Variants in RYR1 observed in about 807,000 individuals in gnomAD.
RYR1 encodes the protein ryanodine receptor 1.
A neutral mutation model predicts 583.5 loss-of-function variants in RYR1; 342 were observed. The observed-to-expected ratio is 0.59, with a 90% CI of 0.54 to 0.64. The LOEUF is 0.64. Among genes scored for constraint, RYR1 ranks in the 30% least tolerant of loss-of-function variants. The pLI is 0.00. For missense variants in RYR1, 6,032 were observed against 6,917.2 expected (o/e 0.87, Z 4.54); for synonymous variants, 2,791 against 2,822.5 (o/e 0.99, Z 0.35).
rs113026709 is a variant in RYR1, at chr19:38,443,935, G to A, written c.424+139G>A. 2.2e-3 allele frequency: 1,872 copies of A among 867,794 alleles called. 17 individuals carry two copies. In the African/African-American group the frequency reaches 0.026, roughly 12 times the overall value. The allele number at this position is 867,794 out of a possible 1,614,324, so 53.8% of individuals were successfully genotyped here. ...GGGGCTTCGTAGCAGAGAGTCTGCG[G>A]TACAGTCCAGACAGGGAGACAGACA... is the stretch of plus-strand genomic sequence containing the variant. On this transcript the variant is annotated intron_variant, in intron 5 of 105. Coordinates refer to ENST00000359596, the MANE Select transcript of RYR1 (RefSeq NM_000540.3).
At chr19:38,564,843 C>A in intron 90 of RYR1, 116 bp from the exon 91 acceptor site, 14 of 1,496,606 alleles carry the variant, frequency 9.4e-6, no homozygotes, top group Non-Finnish European at 1.3e-5. Context: ...AAAATACCAA[C>A]AATGCATTTA....
intron 101 of RYR1, among the ~76,000 whole-genome samples, chr19:38,581,472 C>T (rs989582775): frequency 1.3e-5 from 2 of 152,310 alleles, no homozygotes; most frequent in African/African-American, 4.8e-5. Context: ...ACCTCGGCCT[C>T]CCAAAGTGCT....
At chr19:38,473,331 C>T in intron 27 of RYR1, 46 bp from the exon 28 acceptor site, 1 of 1,610,832 alleles carries the variant, frequency 6.2e-7, no homozygotes, top group East Asian at 2.2e-5. Flanking sequence ...AACGGCCTGG[C>T]CTAGCCCGCC....
intron 75 of RYR1, 96 bp from the exon 76 acceptor site, chr19:38,528,854 GA>G (rs2145724535): frequency 6.7e-7 from 1 of 1,487,560 alleles, no homozygotes. Context: ...CAGGATGTGG[GA>G]AAAGAGAAAA....
At chr19:38,579,346 AC>A (rs1974095122) in intron 99 of RYR1, among the ~76,000 whole-genome samples, 2 of 144,626 alleles carry the variant, frequency 1.4e-5, no homozygotes, top group African/African-American at 5.2e-5. Flanking sequence ...AATCGCTTGA[AC>A]CCGGGAGGCG....
chr19:38,502,779 GC>G, intron 48 of RYR1, 52 bp downstream of exon 48: 1 of 966,314 alleles, frequency 1.0e-6, no homozygotes, highest in Non-Finnish European at 1.5e-6. Context: ...AGGGGCAGGG[GC>G]AGGGGCAGGG....
intron 89 of RYR1, among the ~76,000 whole-genome samples, chr19:38,549,178 C>T (rs1452099597): frequency 6.6e-6 from 1 of 152,130 alleles, no homozygotes; most frequent in Non-Finnish European, 1.5e-5. Context: ...AGTGCTGGAA[C>T]ATCCTTATTC....
At chr19:38,510,907 G>C in intron 60 of RYR1, 126 bp downstream of exon 60, 1 of 1,390,792 alleles carries the variant, frequency 7.2e-7, no homozygotes, top group Non-Finnish European at 9.9e-7. Flanking sequence ...GCGATTGAAG[G>C]GTGACCAGCC....
At chr19:38,529,192 A>C in intron 76 of RYR1, 135 bp downstream of exon 76, 2 of 880,446 alleles carry the variant, frequency 2.3e-6, no homozygotes, top group Non-Finnish European at 3.7e-6. Flanking sequence ...TTTAAATATC[A>C]CTTTGCTGGT....
chr19:38,517,585 C>T lies in RYR1; in HGVS notation c.9912C>T (p.Cys3304=), dbSNP rs1971032460. The T allele has an allele frequency of 6.2e-7, 1 of 1,614,124 alleles. No homozygotes were observed. Among genetic ancestry groups the T allele is most frequent in the Non-Finnish European group, 8.5e-7 (1 of 1,179,992 alleles). ...SALPAGAPPP[C]TAVTSDHLNS... ...TGCCCGCCGGCGCCCCCCCACCCTG[C>T]ACAGCTGTCACCTCTGACCACCTCA... Residue 3304 remains cysteine, a synonymous_variant, in exon 66 of 106, where the codon TGC becomes TGT. Transcript: ENST00000359596.
intron 82 of RYR1, 22 bp from the exon 83 acceptor site, chr19:38,536,728 C>G (rs754309691): frequency 8.7e-6 from 14 of 1,613,916 alleles, no homozygotes; most frequent in South Asian, 5.5e-5. Context: ...GCTTCCTCCT[C>G]CCATCCTGTT....
chr19:38,534,836 C>T lies in RYR1; in HGVS notation c.11359+17C>T. The T allele has an allele frequency of 6.2e-7, 1 of 1,605,056 alleles. No individual in the cohort carries two copies. The highest frequency in any genetic ancestry group is 8.5e-7 in the Non-Finnish European group (1 of 1,175,866). On this transcript the variant is annotated intron_variant, in intron 79 of 105. Coordinates refer to ENST00000359596, the MANE Select transcript of RYR1 (RefSeq NM_000540.3). ...CCTGCAAAGGTGCCCCTCACATGTG[C>T]ACTGGACTCTTCCGAGTGCACTCAT...
At chr19:38,456,412 G>A (rs1199869087) in intron 16 of RYR1, among the ~76,000 whole-genome samples, 1 of 150,248 alleles carries the variant, frequency 6.7e-6, no homozygotes, top group Non-Finnish European at 1.5e-5. Flanking sequence ...CTCCTGAGTA[G>A]CTGGGATTAC....
At chr19:38,510,600 G>T (rs753467380) in intron 59 of RYR1, 35 bp downstream of exon 59, 29 of 1,613,942 alleles carry the variant, frequency 1.8e-5, no homozygotes, top group Non-Finnish European at 2.1e-5. Context: ...AGGGCGCTGG[G>T]GACTCATAGG....
intron 58 of RYR1, 112 bp from the exon 59 acceptor site, chr19:38,510,386 A>G (rs747031135): frequency 4.6e-5 from 48 of 1,033,566 alleles, no homozygotes; most frequent in Non-Finnish European, 6.2e-5. Flanking sequence ...ACTTCATACC[A>G]ATACTTTATC....
At chr19:38,569,429 C>G (rs1776298532) in intron 93 of RYR1, among the ~76,000 whole-genome samples, 1 of 152,090 alleles carries the variant, frequency 6.6e-6, no homozygotes, top group Middle Eastern at 3.4e-3. Flanking sequence ...GTGACACATG[C>G]CTGTGGTCCC....
At chr19:38,477,624 A>G in intron 29 of RYR1, 86 bp from the exon 30 acceptor site, 1 of 1,560,962 alleles carries the variant, frequency 6.4e-7, no homozygotes. Flanking sequence ...AGGACCCAAC[A>G]GTCCAGGGAA....
At chr19:38,502,818 G>C (rs1970242422) in intron 48 of RYR1, 62 bp from the exon 49 acceptor site, 3 of 1,511,396 alleles carry the variant, frequency 2.0e-6, no homozygotes, top group Non-Finnish European at 2.7e-6. Flanking sequence ...GGGAGGAGCA[G>C]GGGCAGGGGC....
intron 2 of RYR1, among the ~76,000 whole-genome samples, chr19:38,441,767 G>A (rs1264343010): frequency 6.6e-6 from 1 of 151,968 alleles, no homozygotes; most frequent in Non-Finnish European, 1.5e-5. Context: ...CTGAGCGAGT[G>A]GGGTCTGAGG....
Sources: allele counts gnomAD v4.1 joint callset (sites outside exome capture counted in the v4.1 genomes callset), GRCh38; gene constraint gnomAD v4.1.1; transcripts MANE v1.5; gene names NCBI Gene and HGNC (gene_info 2026-07-23, HGNC 2026-07-21).